The following COL9A2 variants were observed in gnomAD, a reference collection of about 807,000 sequenced individuals.
The protein encoded by COL9A2 is collagen alpha-2(IX) chain.
A neutral mutation model predicts 111.6 loss-of-function variants in COL9A2; 66 were observed. The ratio of observed to expected loss-of-function variants is 0.59; its 90% CI spans 0.48 to 0.73. The LOEUF is 0.73. Ranked by LOEUF, COL9A2 falls within the 30% of genes least tolerant of loss-of-function variation. The probability of loss-of-function intolerance (pLI) is 0.00; values close to 1 mark genes in which losing one functional copy is unlikely to be tolerated. For synonymous variants in COL9A2, 353 were observed against 364.1 expected (o/e 0.97, Z 0.35); for missense variants, 881 against 954.1 (o/e 0.92, Z 1.01).
chr1:40,305,794 GTC>G (rs746740168), intron 20 of COL9A2, 26 bp from the exon 21 acceptor site: 147 of 1,612,522 alleles, frequency 9.1e-5, no homozygotes, highest in Non-Finnish European at 1.2e-4. Flanking sequence ...TCTCAGGTCA[GTC>G]TGGGTGGCCC....
rs1357266954 is a variant in COL9A2, at chr1:40,312,625, G to GAA, written c.304-18_304-17dup. On this transcript the variant is annotated splice_polypyrimidine_tract_variant and intron_variant, in intron 5 of 31. Transcript: ENST00000372748. This position sits in a 1 kb window ranked among gnomAD's most constrained non-coding sequence, Gnocchi z 6.0. ...CGGGCTGGCCCTGCAGAAGCAACGA[G>GAA]AAAGGCTCAGAGGCTGGGGTTTCCC... 1.2e-6 allele frequency: 2 copies of GAA among 1,613,732 alleles called. No individual in the cohort carries two copies. The highest frequency in any genetic ancestry group is 4.5e-5 in the East Asian group (2 of 44,878).
At position 40,303,567 on chromosome 1, in the gene COL9A2, C is replaced by G; in HGVS notation, c.1511G>C (p.Arg504Pro). ...TCTCCCGGGCTGTCCTGGCACGCCT[C>G]GGTTCCCGGCCAGTCCTCGAGGGCC... The part of the protein sequence containing the change: ...PPGPRGLAGN[R>P]GVPGQPGRQG... The change falls in exon 28 of 32, where the codon CGA (arginine) becomes CCA (proline). Residue 504 changes from arginine (R) to proline (P), a missense_variant. Transcript: ENST00000372748. This position sits in a 1 kb window ranked among gnomAD's most constrained non-coding sequence, Gnocchi z 4.6. The G allele has an allele frequency of 5.6e-6, 9 of 1,611,322 alleles. No individual in the cohort carries two copies. The highest frequency in any genetic ancestry group is 7.6e-6 in the Non-Finnish European group (9 of 1,179,316).
At chr1:40,309,348 C>A in intron 16 of COL9A2, among the ~76,000 whole-genome samples, 1 of 149,838 alleles carries the variant, frequency 6.7e-6, no homozygotes, top group African/African-American at 2.5e-5. Flanking sequence ...ATTTAAAAAA[C>A]TAAATAATAA....
Position 40,311,441 on chromosome 1 carries a change from TCCCCATCTCTGTGGCCCCGCCC to T in COL9A2, c.519+37_519+58del. On this transcript the variant is annotated intron_variant, in intron 10 of 31. Coordinates refer to ENST00000372748, the MANE Select transcript of COL9A2 (RefSeq NM_001852.4). This position sits in a 1 kb window ranked among gnomAD's most constrained non-coding sequence, Gnocchi z 5.1. ...ACACCCCCATCTCCGTGGCCCCGCC[TCCCCATCTCTGTGGCCCCGCCC>T]CCCTGTGTTAGCCCCGCCCCAGACC... 7 of 998,184 alleles carry T rather than the reference TCCCCATCTCTGTGGCCCCGCCC, an allele frequency of 7.0e-6. No homozygotes were observed. Among genetic ancestry groups the T allele is most frequent in the Non-Finnish European group, 1.0e-5 (7 of 699,898 alleles). 61.8% of individuals were successfully genotyped at this position (998,184 alleles called of 1,614,324 possible). A position where few individuals can be genotyped will look rare whatever the true frequency, so the allele number is the denominator to read the frequency against.
chr1:40,309,543 G>C, intron 16 of COL9A2, among the ~76,000 whole-genome samples: 1 of 151,980 alleles, frequency 6.6e-6, no homozygotes, highest in East Asian at 1.9e-4. Context: ...CATGGGACTG[G>C]ATCCCAGGGC....
In COL9A2 at chr1:40,314,409, G is replaced by A. The variant is rs1394191227; in HGVS notation, c.151-22C>T. The A allele has an allele frequency of 1.9e-6, 3 of 1,614,046 alleles. No individual in the cohort carries two copies. The highest frequency in any genetic ancestry group is 2.5e-6 in the Non-Finnish European group (3 of 1,180,050). On this transcript the variant is annotated intron_variant, in intron 2 of 31. Coordinates refer to ENST00000372748, the MANE Select transcript of COL9A2 (RefSeq NM_001852.4). The surrounding 1 kb of genome is among the most constrained non-coding windows in gnomAD (Gnocchi z 4.1). The stretch of plus-strand genomic sequence containing the variant: ...CACCCTGCAAGATACAAGTTGGTGA[G>A]ACAGCACACTACGGCTCACACTACC...
chr1:40,300,751 T>C lies in COL9A2; in HGVS notation c.*431A>G. On this transcript the variant is annotated 3_prime_UTR_variant, in exon 32 of 32. Transcript: ENST00000372748. The surrounding 1 kb of genome is among the most constrained non-coding windows in gnomAD (Gnocchi z 4.4). ...CAGAGAGTGAGATGGGATCAGGAAC[T>C]GGCATAGACCTCAGTCATTGGTCCT... 1 of 170,418 alleles carries C rather than the reference T, an allele frequency of 5.9e-6. No homozygotes were observed. Among genetic ancestry groups the C allele is most frequent in the Non-Finnish European group, 1.3e-5 (1 of 79,162 alleles). 10.6% of individuals were successfully genotyped at this position (170,418 alleles called of 1,614,324 possible).
rs1325419581 is a variant in COL9A2 at position 40,316,167 on chromosome 1, C to G, written c.76-503G>C. On this transcript the variant is annotated intron_variant, in intron 1 of 31. Coordinates refer to ENST00000372748, the MANE Select transcript of COL9A2 (RefSeq NM_001852.4). This position sits in a 1 kb window ranked among gnomAD's most constrained non-coding sequence, Gnocchi z 5.5. The stretch of plus-strand genomic sequence containing the variant: ...GCAGAGACAGCGCCTCCTCCTCTCC[C>G]CATGGTGCGGGAAAACCCGACGGGA... The G allele has an allele frequency of 6.1e-6, 1 of 164,312 alleles. No homozygotes were observed. The highest frequency in any genetic ancestry group is 1.3e-5 in the Non-Finnish European group (1 of 74,952). The allele number at this position is 164,312 out of a possible 1,614,324, so 10.2% of individuals were successfully genotyped here.
chr1:40,308,894 A>T (rs572437066), intron 16 of COL9A2, among the ~76,000 whole-genome samples: 3 of 152,332 alleles, frequency 2.0e-5, no homozygotes, highest in African/African-American at 7.2e-5. Flanking sequence ...TGATAGGTAC[A>T]TGGGGATTCT....
In COL9A2 at chr1:40,301,191, C is replaced by T; in HGVS notation, c.2061G>A (p.Lys687=). Residue 687 remains lysine, a synonymous_variant, in exon 32 of 32, where the codon AAG becomes AAA. Coordinates refer to ENST00000372748, the MANE Select transcript of COL9A2 (RefSeq NM_001852.4). ...SARLTEPGSI[K]GP is the part of the protein sequence containing the mutation. ...TGTCTGGGCCTGATGCTCAAGGCCC[C>T]TTGATGGATCCAGGCTCTGTAAGGC... The T allele has an allele frequency of 6.2e-7, 1 of 1,613,556 alleles. No homozygotes were observed. Among genetic ancestry groups the T allele is most frequent in the Non-Finnish European group, 8.5e-7 (1 of 1,180,002 alleles).
Position 40,307,310 on chromosome 1 carries a change from T to G in COL9A2, c.1008+136A>C, listed in dbSNP as rs551594645. 4 of 848,500 alleles carry G rather than the reference T, an allele frequency of 4.7e-6. No individual in the cohort carries two copies. 52.6% of individuals were successfully genotyped at this position (848,500 alleles called of 1,614,324 possible). On this transcript the variant is annotated intron_variant, in intron 19 of 31. Transcript: ENST00000372748. This position sits in a 1 kb window ranked among gnomAD's most constrained non-coding sequence, Gnocchi z 4.8. ...GAGTAATTGTCCAAGTAATGAAGCC[T>G]TCGCCAGGCCAGGGGCCACAGAGTT...
intron 16 of COL9A2, among the ~76,000 whole-genome samples, chr1:40,308,498 T>C (rs888262429): frequency 1.3e-5 from 2 of 152,212 alleles, no homozygotes; most frequent in Non-Finnish European, 2.9e-5. Flanking sequence ...CAGAATCCAC[T>C]GAGACCTTGG....
At chr1:40,304,013 G>A (rs907349135) in intron 25 of COL9A2, 41 bp from the exon 26 acceptor site, 3 of 1,571,220 alleles carry the variant, frequency 1.9e-6, no homozygotes, top group Non-Finnish European at 2.6e-6. Context: ...GTGGCGGCGG[G>A]GACGCAGAGC....
chr1:40,302,414 C>A lies in COL9A2; in HGVS notation c.1792+207G>T, dbSNP rs1049843647. Among the ~76,000 whole-genome samples, 2 of 152,176 alleles carry A rather than the reference C, an allele frequency of 1.3e-5. No homozygotes were observed. Among genetic ancestry groups the A allele is most frequent in the African/African-American group, 4.8e-5 (2 of 41,446 alleles). On this transcript the variant is annotated intron_variant, in intron 30 of 31. Transcript: ENST00000372748. The surrounding 1 kb of genome is among the most constrained non-coding windows in gnomAD (Gnocchi z 4.5). Reference sequence around the variant, plus strand: ...GGGTACCACTAAGCACATTCAAAAACAAACCCCAGAAACCCCGAGTGATAA... The same window carrying A: ...GGGTACCACTAAGCACATTCAAAAAAAAACCCCAGAAACCCCGAGTGATAA...
At chr1:40,305,627 C>A in intron 21 of COL9A2, 88 bp downstream of exon 21, 1 of 1,245,222 alleles carries the variant, frequency 8.0e-7, no homozygotes, top group Non-Finnish European at 1.2e-6. Context: ...CAGAGCCAGA[C>A]TAACTCGGAG....
rs374210090 is a variant in COL9A2, at chr1:40,315,602, G to A, written c.138C>T (p.Ser46=). The A allele has an allele frequency of 5.8e-6, 9 of 1,552,326 alleles. No individual in the cohort carries two copies. The highest frequency in any genetic ancestry group is 1.4e-5 in the African/African-American group (1 of 73,186). Residue 46 remains serine, a synonymous_variant, in exon 2 of 32, where the codon TCC becomes TCT. Coordinates refer to ENST00000372748, the MANE Select transcript of COL9A2 (RefSeq NM_001852.4). ...GPPGPPGVPG[S]DGIDGDNGPP... ...GTTAGAGACTTACGTCGATGCCGTCGGATCCAGGCACTCCCGGCGGTCCCG... is the reference window on the plus strand; with the variant it reads ...GTTAGAGACTTACGTCGATGCCGTCAGATCCAGGCACTCCCGGCGGTCCCG...
At position 40,304,377 on chromosome 1, in the gene COL9A2, C is replaced by A; in HGVS notation, c.1230G>T (p.Glu410Asp). The A allele has an allele frequency of 6.3e-7, 1 of 1,593,158 alleles. No individual in the cohort carries two copies. The highest frequency in any genetic ancestry group is 1.1e-5 in the South Asian group (1 of 88,154). The stretch of plus-strand genomic sequence containing the variant: ...GCCCTGGAATTCCGGGGGGGCCCTG[C>A]TCCCCCTTAGGGCCCTGAGGAGAAA... ...GPQGRQGPKG[E>D]QGPPGIPGPQ... The change falls in exon 24 of 32, where the codon GAG becomes GAT. Residue 410 changes from glutamate to aspartate, a missense_variant. Transcript: ENST00000372748.
Position 40,317,248 on chromosome 1 carries a change from C to T in COL9A2, c.-51G>A. The T allele has an allele frequency of 8.5e-7, 1 of 1,171,414 alleles. No individual in the cohort carries two copies. The highest frequency in any genetic ancestry group is 1.2e-6 in the Non-Finnish European group (1 of 864,598). 72.6% of individuals were successfully genotyped at this position (1,171,414 alleles called of 1,614,324 possible). On this transcript the variant is annotated 5_prime_UTR_variant, in exon 1 of 32. Coordinates refer to ENST00000372748, the MANE Select transcript of COL9A2 (RefSeq NM_001852.4). The surrounding 1 kb of genome is among the most constrained non-coding windows in gnomAD (Gnocchi z 4.3). ...GGGTGCGTGTCCGCGCACGCACCGA[C>T]GGCAGAGTCTCCCGGCGCTCCTCCA...
intron 23 of COL9A2, 39 bp from the exon 24 acceptor site, chr1:40,304,430 G>A (rs757067503): frequency 6.2e-7 from 1 of 1,613,306 alleles, no homozygotes; most frequent in Admixed American, 1.7e-5. Context: ...ATGGAATGAG[G>A]GGCCTGGATA....
Sources: allele counts gnomAD v4.1 joint callset (sites outside exome capture counted in the v4.1 genomes callset), GRCh38; gene constraint gnomAD v4.1.1; non-coding constraint Gnocchi (gnomAD v3.1); transcripts MANE v1.5; gene names NCBI Gene and HGNC (gene_info 2026-07-23, HGNC 2026-07-21).